Variants in CCSER1 observed in about 807,000 individuals in gnomAD.
The protein encoded by CCSER1 is serine-rich coiled-coil domain-containing protein 1.
In CCSER1, 41 loss-of-function variants were observed where a neutral mutation model predicts 82.0. That is an observed-to-expected ratio of 0.50 (90% confidence interval 0.39 to 0.65). The LOEUF (loss-of-function observed/expected upper bound fraction) is 0.65. Among genes scored for constraint, CCSER1 ranks in the 30% least tolerant of loss-of-function variants. The probability of loss-of-function intolerance (pLI) is 0.00; values close to 1 mark genes in which losing one functional copy is unlikely to be tolerated. For missense variants in CCSER1, 1,119 were observed against 1,064.2 expected (o/e 1.05, Z -0.72); for synonymous variants, 414 against 383.9 (o/e 1.08, Z -0.92).
intron 10 of CCSER1, among the ~76,000 whole-genome samples, chr4:91,389,922 T>C (rs908368375): frequency 1.1e-4 from 17 of 152,110 alleles, no homozygotes; most frequent in African/African-American, 4.1e-4. Flanking sequence ...TGTATATTAT[T>C]TCCTGTGCAT....
At chr4:90,415,401 CT>C (rs1211271980) in intron 4 of CCSER1, among the ~76,000 whole-genome samples, 1 of 152,070 alleles carries the variant, frequency 6.6e-6, no homozygotes, top group Non-Finnish European at 1.5e-5. Flanking sequence ...AATCGATTAA[CT>C]TTTTTTATAC....
intron 3 of CCSER1, among the ~76,000 whole-genome samples, chr4:90,399,323 A>G (rs1014786021): frequency 6.6e-6 from 1 of 152,092 alleles, no homozygotes; most frequent in Non-Finnish European, 1.5e-5. Flanking sequence ...ACATAATCTC[A>G]GCTCTGATAT....
At chr4:91,548,779 G>C (rs893569058) in intron 10 of CCSER1, among the ~76,000 whole-genome samples, 1 of 151,538 alleles carries the variant, frequency 6.6e-6, no homozygotes, top group Non-Finnish European at 1.5e-5. Context: ...CATCCCCCTG[G>C]CTTCTTTTGT....
chr4:90,275,851 A>T (rs1727438001), intron 1 of CCSER1, among the ~76,000 whole-genome samples: 1 of 152,172 alleles, frequency 6.6e-6, no homozygotes, highest in Non-Finnish European at 1.5e-5. Flanking sequence ...AATGATCTGT[A>T]AGGTTAACGA....
At chr4:90,844,661 C>A (rs62311120) in intron 8 of CCSER1, among the ~76,000 whole-genome samples, 1 of 151,978 alleles carries the variant, frequency 6.6e-6, no homozygotes, top group Admixed American at 6.6e-5. Context: ...TCCCCCACAC[C>A]ACTTGTTTCA....
intron 7 of CCSER1, among the ~76,000 whole-genome samples, chr4:90,732,056 T>TCTCTCTCTCTCTCTCTCTCTCTCTCTCA (rs761678318): frequency 8.3e-5 from 12 of 144,796 alleles, no homozygotes; most frequent in Admixed American, 3.5e-4. Context: ...TCTCTCTCTC[T>TCTCTCTCTCTCTCTCTCTCTCTCTCTCA]CTCTCACTGC....
At position 91,598,515 on chromosome 4, in the gene CCSER1, T is replaced by C. The variant is rs946605669; in HGVS notation, c.2218-57T>C. ...TGTATAAATATCACTCTGTATTGTA[T>C]GTATGCTATGAAAGTGTTTTTTTAA... is the stretch of plus-strand genomic sequence containing the variant. On this transcript the variant is annotated intron_variant, in intron 10 of 10. Transcript: ENST00000509176. The C allele has an allele frequency of 5.4e-6, 8 of 1,468,174 alleles. No individual in the cohort carries two copies. In the East Asian group the frequency reaches 1.2e-4, roughly 23 times the overall value. The allele number at this position is 1,468,174 out of a possible 1,614,324, so 90.9% of individuals were successfully genotyped here.
rs180804373 is a variant in CCSER1 at position 91,435,757 on chromosome 4, T to G, written c.2218-162815T>G. Among the ~76,000 whole-genome samples, 227 of 152,362 alleles carry G rather than the reference T, an allele frequency of 1.5e-3. 1 individual carries two copies. Among genetic ancestry groups the G allele is most frequent in the Admixed American group, 0.014 (220 of 15,312 alleles). ...CATTTAAAGCTTTATTTGAGATATCTCCACTAATTATTTTGGCATGCTTTC... is the reference window on the plus strand; with the variant it reads ...CATTTAAAGCTTTATTTGAGATATCGCCACTAATTATTTTGGCATGCTTTC... On this transcript the variant is annotated intron_variant, in intron 10 of 10. Coordinates refer to ENST00000509176, the MANE Select transcript of CCSER1 (RefSeq NM_001145065.2).
intron 8 of CCSER1, among the ~76,000 whole-genome samples, chr4:90,855,678 A>G (rs1764381747): frequency 6.6e-6 from 1 of 152,106 alleles, no homozygotes; most frequent in Non-Finnish European, 1.5e-5. Context: ...GAGATAAGTG[A>G]TATTTATTAA....
intron 10 of CCSER1, among the ~76,000 whole-genome samples, chr4:91,239,017 G>T (rs1012319295): frequency 6.6e-6 from 1 of 151,892 alleles, no homozygotes; most frequent in Non-Finnish European, 1.5e-5. Context: ...GTAGAGACAG[G>T]TTTTCACCAC....
intron 10 of CCSER1, among the ~76,000 whole-genome samples, chr4:91,574,743 G>C (rs1398580751): frequency 1.3e-5 from 2 of 151,982 alleles, no homozygotes; most frequent in Admixed American, 6.6e-5. Flanking sequence ...AGGGACATTA[G>C]GGAGGGAGGA....
At chr4:90,823,766 C>T (rs888484710) in intron 8 of CCSER1, among the ~76,000 whole-genome samples, 5 of 151,636 alleles carry the variant, frequency 3.3e-5, no homozygotes, top group African/African-American at 1.2e-4. Context: ...GTTAATTTTA[C>T]TTTTAAAATT....
At chr4:91,437,776 C>A (rs1009066892) in intron 10 of CCSER1, among the ~76,000 whole-genome samples, 3 of 152,218 alleles carry the variant, frequency 2.0e-5, no homozygotes, top group African/African-American at 4.8e-5. Context: ...CACTCCCACC[C>A]TAATACTCCG....
At chr4:91,036,026 G>A (rs148231055) in intron 9 of CCSER1, among the ~76,000 whole-genome samples, 80 of 152,336 alleles carry the variant, frequency 5.3e-4, no homozygotes, top group Admixed American at 7.2e-4. Flanking sequence ...GGAGTCGGAT[G>A]TGGGCAGGAT....
At chr4:91,120,622 C>T (rs1727003570) in intron 10 of CCSER1, among the ~76,000 whole-genome samples, 1 of 151,832 alleles carries the variant, frequency 6.6e-6, no homozygotes, top group African/African-American at 2.4e-5. Flanking sequence ...CTACTTAATT[C>T]ATGAGAGGAA....
intron 6 of CCSER1, among the ~76,000 whole-genome samples, chr4:90,629,617 G>A (rs1345990188): frequency 6.6e-6 from 1 of 152,146 alleles, no homozygotes; most frequent in Non-Finnish European, 1.5e-5. Context: ...AGATTTGGGT[G>A]GGGACACAGC....
At chr4:91,141,638 A>T (rs1263582475) in intron 10 of CCSER1, among the ~76,000 whole-genome samples, 2 of 152,128 alleles carry the variant, frequency 1.3e-5, no homozygotes, top group African/African-American at 2.4e-5. Flanking sequence ...CCTTTGGGTA[A>T]ATACTGAGTA....
chr4:91,427,048 A>G (rs1034574402), intron 10 of CCSER1, among the ~76,000 whole-genome samples: 2 of 152,096 alleles, frequency 1.3e-5, no homozygotes, highest in African/African-American at 4.8e-5. Context: ...ATGGTATTCA[A>G]CTCTAGCAGC....
intron 3 of CCSER1, among the ~76,000 whole-genome samples, chr4:90,321,935 C>G (rs1737214819): frequency 6.6e-6 from 1 of 151,964 alleles, no homozygotes; most frequent in South Asian, 2.1e-4. Flanking sequence ...TGTGGGTTGT[C>G]TCTTGACTTT....
Sources: gnomAD v4.1 joint callset for allele counts (sites outside exome capture counted in the v4.1 genomes callset) on GRCh38, gnomAD v4.1.1 for gene constraint, MANE v1.5 for transcripts, NCBI Gene and HGNC (gene_info 2026-07-23, HGNC 2026-07-21) for gene names.